Variants in PCDH15 observed in about 807,000 individuals in gnomAD.
The protein encoded by PCDH15 is protocadherin related 15, also known as protocadherin-15.
A neutral mutation model predicts 178.5 loss-of-function variants in PCDH15; 129 were observed. The observed-to-expected ratio is 0.72, with a 90% CI of 0.63 to 0.84. The LOEUF is 0.84. Ranked by LOEUF, PCDH15 falls within the 40% of genes least tolerant of loss-of-function variation. The pLI is 0.00. For synonymous variants in PCDH15, 800 were observed against 732.0 expected (o/e 1.09, Z -1.50); for missense variants, 2,230 against 2,099.9 (o/e 1.06, Z -1.21).
intron 9 of PCDH15, among the ~76,000 whole-genome samples, chr10:54,215,673 T>C (rs1167646984): frequency 6.6e-6 from 1 of 152,188 alleles, no homozygotes; most frequent in African/African-American, 2.4e-5. Context: ...AGTTTAACTA[T>C]ATTGCAAAAT....
chr10:55,502,588 G>T (rs76197389), intron 2 of PCDH15, among the ~76,000 whole-genome samples: 1,870 of 151,738 alleles, frequency 0.012, 18 homozygotes, highest in East Asian at 0.039. Context: ...AAGAGTGCTT[G>T]AAACTTTAGT....
At chr10:55,518,819 G>C (rs1413691100) in intron 2 of PCDH15, among the ~76,000 whole-genome samples, 2 of 151,832 alleles carry the variant, frequency 1.3e-5, no homozygotes, top group Non-Finnish European at 2.9e-5. Flanking sequence ...TCTGGGCCGG[G>C]GCGTGGTGGC....
intron 3 of PCDH15, among the ~76,000 whole-genome samples, chr10:54,436,037 A>AGAG (rs1565270708): frequency 0.021 from 504 of 24,276 alleles, 15 homozygotes; most frequent in African/African-American, 0.099. Context: ...GAGAGGAGAG[A>AGAG]GAGAGAGAGA....
At chr10:55,012,562 C>A (rs1382248784) in intron 2 of PCDH15, among the ~76,000 whole-genome samples, 2 of 152,046 alleles carry the variant, frequency 1.3e-5, no homozygotes, top group Non-Finnish European at 2.9e-5. Flanking sequence ...ACATCAAGGT[C>A]ATCAAATGTC....
intron 2 of PCDH15, among the ~76,000 whole-genome samples, chr10:55,414,540 G>A (rs1283147611): frequency 6.6e-6 from 1 of 151,488 alleles, no homozygotes; most frequent in African/African-American, 2.4e-5. Flanking sequence ...ACTTATTTAT[G>A]TATTCTTCAA....
chr10:55,296,670 T>C (rs1399923688), intron 1 of PCDH15, among the ~76,000 whole-genome samples: 2 of 152,172 alleles, frequency 1.3e-5, no homozygotes, highest in Non-Finnish European at 2.9e-5. Flanking sequence ...GAAGCATTAA[T>C]ACATTGATTT....
chr10:55,450,559 C>CA (rs1373260053), intron 2 of PCDH15, among the ~76,000 whole-genome samples: 2 of 152,116 alleles, frequency 1.3e-5, no homozygotes, highest in African/African-American at 4.8e-5. Context: ...GGCAAATTAT[C>CA]AAAGACATCA....
intron 2 of PCDH15, among the ~76,000 whole-genome samples, chr10:55,553,351 C>A (rs1166460672): frequency 6.6e-6 from 1 of 151,662 alleles, no homozygotes; most frequent in Non-Finnish European, 1.5e-5. Flanking sequence ...CCTAAATTTT[C>A]ATTAAACATA....
At chr10:54,395,445 CA>C (rs201634896) in intron 3 of PCDH15, among the ~76,000 whole-genome samples, 3,917 of 151,570 alleles carry the variant, frequency 0.026, 161 homozygotes, top group African/African-American at 0.088. Flanking sequence ...CACACACACA[CA>C]CACCCACATT....
chr10:54,718,591 G>A (rs933072247), intron 1 of PCDH15, among the ~76,000 whole-genome samples: 1 of 150,490 alleles, frequency 6.6e-6, no homozygotes, highest in Non-Finnish European at 1.5e-5. Flanking sequence ...AAAATAAGGA[G>A]AGATAGCTTA....
intron 2 of PCDH15, among the ~76,000 whole-genome samples, chr10:54,551,412 G>A (rs2086598338): frequency 1.3e-5 from 2 of 151,888 alleles, no homozygotes; most frequent in Non-Finnish European, 2.9e-5. Flanking sequence ...GATGCTTTGG[G>A]CATTGTAAGA....
intron 1 of PCDH15, among the ~76,000 whole-genome samples, chr10:54,751,638 G>C (rs1364078165): frequency 1.3e-5 from 2 of 152,078 alleles, no homozygotes; most frequent in Admixed American, 6.6e-5. Flanking sequence ...AAATTTCAAA[G>C]TTCAGACTCA....
intron 2 of PCDH15, among the ~76,000 whole-genome samples, chr10:55,046,899 C>T (rs187388633): frequency 7.1e-4 from 108 of 151,978 alleles, no homozygotes; most frequent in African/African-American, 2.2e-3. Context: ...CATCTCAATA[C>T]ATTATTAATT....
chr10:53,990,713 T>A (rs2091414696), intron 21 of PCDH15, among the ~76,000 whole-genome samples: 2 of 152,028 alleles, frequency 1.3e-5, no homozygotes, highest in South Asian at 4.1e-4. Context: ...CTGGCCACAC[T>A]TGAGGAGCCC....
At chr10:55,116,635 T>A (rs1837634739) in intron 2 of PCDH15, among the ~76,000 whole-genome samples, 1 of 152,140 alleles carries the variant, frequency 6.6e-6, no homozygotes, top group Admixed American at 6.5e-5. Context: ...ACTTAGGAAA[T>A]CTTATGTAAT....
In PCDH15 at chr10:54,995,404, A is replaced by AAG. The variant is rs200765624; in HGVS notation, c.-79-97905_-79-97904insCT. On this transcript the variant is annotated intron_variant, in intron 2 of 5. Coordinates refer to the PCDH15 transcript ENST00000458638. Reference sequence around the variant, plus strand: ...GAGACTCCGTCTCAAAAAAAAAAAAAAAGAAGGAAAAAAATTATCTTACTT... The same window carrying AAG: ...GAGACTCCGTCTCAAAAAAAAAAAAAAGAAGAAGGAAAAAAATTATCTTACTT... Among the ~76,000 whole-genome samples, 673 of 151,842 alleles carry AAG rather than the reference A, an allele frequency of 4.4e-3. 6 individuals carry two copies. The highest frequency in any genetic ancestry group is 0.016 in the African/African-American group (644 of 41,320).
intron 2 of PCDH15, among the ~76,000 whole-genome samples, chr10:55,512,345 T>C (rs1840904047): frequency 6.6e-6 from 1 of 152,098 alleles, no homozygotes; most frequent in Non-Finnish European, 1.5e-5. Flanking sequence ...TTAAGAATTA[T>C]TTTGTTATTC....
At chr10:55,048,701 C>A (rs998735258) in intron 2 of PCDH15, among the ~76,000 whole-genome samples, 1 of 151,794 alleles carries the variant, frequency 6.6e-6, no homozygotes, top group Non-Finnish European at 1.5e-5. Flanking sequence ...GGATATTTAT[C>A]ATTTGTTTTT....
chr10:54,020,536 C>G (rs748017636), intron 19 of PCDH15, 120 bp from the exon 20 acceptor site: 32 of 999,826 alleles, frequency 3.2e-5, no homozygotes, highest in Non-Finnish European at 4.4e-5. Context: ...CAAAAAGACA[C>G]GTTTTTTGTT....
Sources: allele counts gnomAD v4.1 joint callset (sites outside exome capture counted in the v4.1 genomes callset), GRCh38; gene constraint gnomAD v4.1.1; transcripts MANE v1.5; gene names NCBI Gene and HGNC (gene_info 2026-07-23, HGNC 2026-07-21).